Variants in PAPPA2 observed in about 807,000 individuals in gnomAD.
PAPPA2 encodes pappalysin-2.
In PAPPA2, 86 loss-of-function variants were observed where a neutral mutation model predicts 176.4. The ratio of observed to expected loss-of-function variants is 0.49; its 90% CI spans 0.41 to 0.58. PAPPA2 has a LOEUF of 0.58. Ranked by LOEUF, PAPPA2 falls within the 20% of genes least tolerant of loss-of-function variation. The pLI is 0.00. For missense variants in PAPPA2, 2,073 were observed against 2,256.9 expected (o/e 0.92, Z 1.65); for synonymous variants, 809 against 852.2 (o/e 0.95, Z 0.88).
At chr1:176,493,949 G>A (rs1572966484) in intron 1 of PAPPA2, among the ~76,000 whole-genome samples, 1 of 152,170 alleles carries the variant, frequency 6.6e-6, no homozygotes, top group Non-Finnish European at 1.5e-5. Context: ...CAATATTGCT[G>A]TTTAATTGTG....
chr1:176,576,381 T>C (rs1652644165), intron 2 of PAPPA2, among the ~76,000 whole-genome samples: 1 of 152,184 alleles, frequency 6.6e-6, no homozygotes, highest in African/African-American at 2.4e-5. Flanking sequence ...CCCTTTACTT[T>C]TTTTTCTATT....
intron 12 of PAPPA2, among the ~76,000 whole-genome samples, chr1:176,720,894 C>A (rs1169052717): frequency 6.6e-6 from 1 of 152,112 alleles, no homozygotes; most frequent in Non-Finnish European, 1.5e-5. Flanking sequence ...GCTTAAGAAC[C>A]CAGAGTTCTG....
At chr1:176,586,898 C>T (rs1653346952) in intron 2 of PAPPA2, among the ~76,000 whole-genome samples, 1 of 152,196 alleles carries the variant, frequency 6.6e-6, no homozygotes, top group Non-Finnish European at 1.5e-5. Context: ...AATTAATTTA[C>T]ATTCCCACCA....
intron 1 of PAPPA2, among the ~76,000 whole-genome samples, chr1:176,491,395 G>T (rs2102493880): frequency 6.6e-6 from 1 of 152,320 alleles, no homozygotes; most frequent in East Asian, 1.9e-4. Flanking sequence ...TCTAGGCTGG[G>T]CTTGAACATA....
At chr1:176,585,192 G>T (rs887517803) in intron 2 of PAPPA2, among the ~76,000 whole-genome samples, 1 of 152,096 alleles carries the variant, frequency 6.6e-6, no homozygotes. Flanking sequence ...GAATTCCCCA[G>T]GTTTCTGGTT....
intron 17 of PAPPA2, among the ~76,000 whole-genome samples, chr1:176,772,583 A>G (rs879690271): frequency 1.3e-5 from 2 of 152,138 alleles, no homozygotes; most frequent in Non-Finnish European, 2.9e-5. Flanking sequence ...CCAAGCCCAT[A>G]CCCTGCCCTT....
intron 3 of PAPPA2, among the ~76,000 whole-genome samples, chr1:176,598,302 A>T (rs1423212492): frequency 6.6e-6 from 1 of 152,056 alleles, no homozygotes; most frequent in Non-Finnish European, 1.5e-5. Flanking sequence ...TACACCTCCA[A>T]ATATTATATT....
chr1:176,674,589 T>C (rs1267611439), intron 4 of PAPPA2, among the ~76,000 whole-genome samples: 1 of 151,958 alleles, frequency 6.6e-6, no homozygotes, highest in Non-Finnish European at 1.5e-5. Flanking sequence ...AATGCCATTA[T>C]TTTATTCCTT....
At chr1:176,490,976 A>G (rs1435399758) in intron 1 of PAPPA2, among the ~76,000 whole-genome samples, 1 of 152,166 alleles carries the variant, frequency 6.6e-6, no homozygotes, top group Non-Finnish European at 1.5e-5. Flanking sequence ...TTAGCCTGAA[A>G]CCTGATTTAC....
intron 2 of PAPPA2, among the ~76,000 whole-genome samples, chr1:176,566,707 C>T (rs1652005620): frequency 6.6e-6 from 1 of 152,148 alleles, no homozygotes; most frequent in African/African-American, 2.4e-5. Context: ...CTCTTGTCAC[C>T]AGCAATAATT....
chr1:176,485,722 G>T (rs548857995), intron 1 of PAPPA2, among the ~76,000 whole-genome samples: 1 of 152,062 alleles, frequency 6.6e-6, no homozygotes, highest in South Asian at 2.1e-4. Flanking sequence ...AGTAGGCGGG[G>T]GGAGGAAAAA....
chr1:176,768,289 A>C (rs1198939891), intron 15 of PAPPA2, among the ~76,000 whole-genome samples: 1 of 151,526 alleles, frequency 6.6e-6, no homozygotes. Context: ...CCAATCCTGT[A>C]TTACCTATTC....
At chr1:176,610,066 T>A (rs993741450) in intron 3 of PAPPA2, among the ~76,000 whole-genome samples, 1 of 152,078 alleles carries the variant, frequency 6.6e-6, no homozygotes, top group Non-Finnish European at 1.5e-5. Context: ...CCCTTCCCCA[T>A]AGGGAATCTG....
intron 4 of PAPPA2, among the ~76,000 whole-genome samples, chr1:176,683,638 G>C (rs975936504): frequency 1.3e-5 from 2 of 152,060 alleles, no homozygotes; most frequent in Admixed American, 1.3e-4. Flanking sequence ...CAGGGAAAAT[G>C]ATCCATTTTT....
At chr1:176,798,178 CTAT>C (rs1665527783) in intron 20 of PAPPA2, among the ~76,000 whole-genome samples, 1 of 152,190 alleles carries the variant, frequency 6.6e-6, no homozygotes, top group South Asian at 2.1e-4. Flanking sequence ...GTCAACTCCA[CTAT>C]TATGAATTTA....
intron 2 of PAPPA2, among the ~76,000 whole-genome samples, chr1:176,581,922 C>CTTT (rs538920194): frequency 9.5e-4 from 77 of 80,926 alleles, no homozygotes; most frequent in African/African-American, 2.5e-3. Flanking sequence ...TTCTTTCTTT[C>CTTT]TTTTTTTTTT....
At chr1:176,483,235 C>T (rs768177767) in intron 1 of PAPPA2, among the ~76,000 whole-genome samples, 17 of 152,088 alleles carry the variant, frequency 1.1e-4, no homozygotes, top group Middle Eastern at 6.8e-3. Context: ...TATCAGTCAG[C>T]GCCCAATCAG....
chr1:176,714,148 A>T (rs994600680), intron 12 of PAPPA2, among the ~76,000 whole-genome samples: 1 of 151,882 alleles, frequency 6.6e-6, no homozygotes, highest in Non-Finnish European at 1.5e-5. Context: ...GGAAAACGTA[A>T]ACTGAAAAAA....
chr1:176,820,969 A>T (rs1416456238), intron 21 of PAPPA2, among the ~76,000 whole-genome samples: 2 of 152,186 alleles, frequency 1.3e-5, no homozygotes, highest in Non-Finnish European at 2.9e-5. Context: ...ACATGAAAAA[A>T]GAATTAATCC....
Sources: allele counts gnomAD v4.1 joint callset (sites outside exome capture counted in the v4.1 genomes callset), GRCh38; gene constraint gnomAD v4.1.1; transcripts MANE v1.5; gene names NCBI Gene and HGNC (gene_info 2026-07-23, HGNC 2026-07-21).